SAMMSON: variants seen among roughly 807,000 people sequenced by gnomAD.
The protein encoded by SAMMSON is long intergenic non-protein coding RNA 1212.
chr3:70,132,208 T>C (rs1462656617), intron 4 of SAMMSON, among the ~76,000 whole-genome samples: 1 of 152,116 alleles, frequency 6.6e-6, no homozygotes, highest in Non-Finnish European at 1.5e-5. Context: ...CCCCTCCTTT[T>C]TGTGACTTCA....
chr3:70,152,198 A>G (rs9843483), intron 4 of SAMMSON, among the ~76,000 whole-genome samples: 86,006 of 151,704 alleles, frequency 0.57, 25,500 homozygotes, highest in Non-Finnish European at 0.63. Flanking sequence ...TTGAAATTGA[A>G]CACTTGATTT....
At chr3:70,210,172 C>T (rs1341260012) in intron 4 of SAMMSON, among the ~76,000 whole-genome samples, 3 of 152,010 alleles carry the variant, frequency 2.0e-5, no homozygotes, top group African/African-American at 4.8e-5. Flanking sequence ...ATATGATTCT[C>T]TTTTTAATTT....
chr3:70,299,270 T>G lies in SAMMSON; in HGVS notation n.739+8027T>G, dbSNP rs556920897. Among the ~76,000 whole-genome samples the G allele has an allele frequency of 4.6e-5, 7 of 152,194 alleles. No individual in the cohort carries two copies. The South Asian group carries it at 1.5e-3, about 32-fold the overall frequency. On this transcript the variant is annotated intron_variant and non_coding_transcript_variant, in intron 7 of 9. Coordinates refer to ENST00000642114, the Ensembl canonical transcript of SAMMSON. Reference sequence around the variant, plus strand: ...CATTTATTCGTGAATCATCAAAACATGCTATTAAAATATTGCATAATCATA... The same window carrying G: ...CATTTATTCGTGAATCATCAAAACAGGCTATTAAAATATTGCATAATCATA...
At chr3:70,141,583 C>G (rs2067527666) in intron 4 of SAMMSON, among the ~76,000 whole-genome samples, 1 of 152,198 alleles carries the variant, frequency 6.6e-6, no homozygotes, top group Admixed American at 6.6e-5. Flanking sequence ...CTTATTAGTT[C>G]AGTCAAGTTG....
chr3:70,020,183 GAA>G (rs939958139), intron 3 of SAMMSON, among the ~76,000 whole-genome samples: 8 of 152,090 alleles, frequency 5.3e-5, no homozygotes, highest in African/African-American at 1.9e-4. Flanking sequence ...CAATTTTGCA[GAA>G]AAGAGTACTA....
At chr3:70,306,437 T>C (rs1702401550) in intron 7 of SAMMSON, among the ~76,000 whole-genome samples, 1 of 152,190 alleles carries the variant, frequency 6.6e-6, no homozygotes, top group Non-Finnish European at 1.5e-5. Flanking sequence ...TCATCAAAGA[T>C]TGAAGTCGTC....
intron 4 of SAMMSON, among the ~76,000 whole-genome samples, chr3:70,215,983 T>A (rs775097040): frequency 6.6e-6 from 1 of 152,066 alleles, no homozygotes; most frequent in Non-Finnish European, 1.5e-5. Flanking sequence ...TATTTTGATT[T>A]GAATGCAACA....
intron 4 of SAMMSON, among the ~76,000 whole-genome samples, chr3:70,073,563 G>T (rs2067237817): frequency 6.6e-6 from 1 of 151,788 alleles, no homozygotes; most frequent in Admixed American, 6.6e-5. Flanking sequence ...TAAGGTTATT[G>T]GTTTAGTTGA....
At chr3:70,318,665 A>G (rs987107837) in intron 7 of SAMMSON, among the ~76,000 whole-genome samples, 1 of 151,964 alleles carries the variant, frequency 6.6e-6, no homozygotes, top group African/African-American at 2.4e-5. Flanking sequence ...CATTTTCTTG[A>G]TTCTTCAAAC....
intron 2 of SAMMSON, among the ~76,000 whole-genome samples, chr3:70,399,661 T>C (rs1701122782): frequency 6.6e-6 from 1 of 151,456 alleles, no homozygotes; most frequent in Non-Finnish European, 1.5e-5. Context: ...AGGTCAGGAG[T>C]TTGAGACCAG....
rs541842848 is a variant in SAMMSON, at chr3:70,070,171, G to A, written n.418-1305G>A. The A allele has an allele frequency of 7.2e-5, 11 of 152,066 alleles. No homozygotes were observed. In the East Asian group the frequency reaches 2.1e-3, roughly 30 times the overall value. The allele number at this position is 152,066 out of a possible 1,614,324, so 9.4% of individuals were successfully genotyped here. On this transcript the variant is annotated intron_variant and non_coding_transcript_variant, in intron 3 of 9. Transcript: ENST00000642114. ...TTTTGAAGTAATTGTAGGCTCATAA[G>A]AGGTTGTAAAAATAAGAGAGTTATA...
In SAMMSON at chr3:70,305,852, T is replaced by C. The variant is rs145664980; in HGVS notation, n.739+14609T>C. Among the ~76,000 whole-genome samples the C allele has an allele frequency of 2.4e-3, 361 of 152,286 alleles. 4 individuals carry two copies. The highest frequency in any genetic ancestry group is 7.9e-3 in the African/African-American group (330 of 41,570). On this transcript the variant is annotated intron_variant and non_coding_transcript_variant, in intron 7 of 9. Transcript: ENST00000642114. ...CAAACATGAAAGTTTAGGAATGAGATGAGATTTTTCTATTATGCATTTGAG... is the reference window on the plus strand; with the variant it reads ...CAAACATGAAAGTTTAGGAATGAGACGAGATTTTTCTATTATGCATTTGAG...
intron 2 of SAMMSON, among the ~76,000 whole-genome samples, chr3:70,395,334 T>A (rs913958613): frequency 1.4e-4 from 20 of 145,770 alleles, no homozygotes; most frequent in Admixed American, 1.0e-3. Context: ...TCTCTCTCTT[T>A]TTTTTTTTTT....
At chr3:70,072,070 A>G (rs2067232114) in intron 4 of SAMMSON, 1 of 151,922 alleles carries the variant, frequency 6.6e-6, no homozygotes, top group Non-Finnish European at 1.5e-5. Context: ...AAAAACTTTC[A>G]AAGGTACTCT....
At chr3:70,100,838 A>G (rs866230548) in intron 4 of SAMMSON, among the ~76,000 whole-genome samples, 2 of 152,194 alleles carry the variant, frequency 1.3e-5, no homozygotes, top group African/African-American at 4.8e-5. Context: ...TCCATTACAC[A>G]TATTTTAGTA....
At chr3:70,380,181 C>A (rs1355871530) in intron 9 of SAMMSON, among the ~76,000 whole-genome samples, 1 of 152,066 alleles carries the variant, frequency 6.6e-6, no homozygotes, top group African/African-American at 2.4e-5. Context: ...CTGGATTTAT[C>A]CTCAGGTCAA....
At chr3:70,176,734 A>G (rs567905895) in intron 4 of SAMMSON, among the ~76,000 whole-genome samples, 16 of 152,328 alleles carry the variant, frequency 1.1e-4, no homozygotes, top group Non-Finnish European at 1.0e-4. Context: ...AGGTGTTCAA[A>G]TATGTTAATG....
chr3:70,325,497 G>A (rs1702571881), intron 7 of SAMMSON, among the ~76,000 whole-genome samples: 1 of 152,100 alleles, frequency 6.6e-6, no homozygotes, highest in Non-Finnish European at 1.5e-5. Context: ...CAACTCAAAA[G>A]CATCTCTAAT....
intron 4 of SAMMSON, among the ~76,000 whole-genome samples, chr3:70,090,158 G>T (rs1184524276): frequency 6.6e-6 from 1 of 152,084 alleles, no homozygotes; most frequent in African/African-American, 2.4e-5. Context: ...GAACAAAATA[G>T]TATTTTGTTT....
Sources: gnomAD v4.1 joint callset for allele counts (sites outside exome capture counted in the v4.1 genomes callset) on GRCh38, gnomAD v4.1.1 for gene constraint, MANE v1.5 for transcripts, NCBI Gene and HGNC (gene_info 2026-07-23, HGNC 2026-07-21) for gene names.